Variants in KCNIP4 observed in about 807,000 individuals in gnomAD.
KCNIP4 encodes Kv channel-interacting protein 4.
In KCNIP4, 12 loss-of-function variants were observed where a neutral mutation model predicts 34.0. The observed-to-expected ratio is 0.35, with a 90% CI of 0.23 to 0.57. The LOEUF is 0.57. Ranked by LOEUF, KCNIP4 falls within the 20% of genes least tolerant of loss-of-function variation. KCNIP4 has a pLI of 0.83. For missense variants in KCNIP4, 238 were observed against 311.7 expected (o/e 0.76, Z 1.78); for synonymous variants, 124 against 102.2 (o/e 1.21, Z -1.29).
At chr4:20,761,896 G>A (rs754648641) in intron 3 of KCNIP4, among the ~76,000 whole-genome samples, 19 of 152,084 alleles carry the variant, frequency 1.2e-4, no homozygotes, top group Non-Finnish European at 2.1e-4. Context: ...CATTACATTA[G>A]TTTACATCTC....
At chr4:21,203,615 T>C (rs1756645354) in intron 1 of KCNIP4, among the ~76,000 whole-genome samples, 1 of 152,208 alleles carries the variant, frequency 6.6e-6, no homozygotes, top group South Asian at 2.1e-4. Context: ...GGCAAGGAAT[T>C]GCCCTGTTCT....
chr4:21,746,585 GA>G (rs1160600258), intron 1 of KCNIP4, among the ~76,000 whole-genome samples: 1 of 66,024 alleles, frequency 1.5e-5, no homozygotes, highest in Non-Finnish European at 3.3e-5. Context: ...ATATAATCAA[GA>G]AAAAATAAAA....
At chr4:20,994,872 T>C (rs955286717) in intron 1 of KCNIP4, among the ~76,000 whole-genome samples, 1 of 152,196 alleles carries the variant, frequency 6.6e-6, no homozygotes, top group East Asian at 1.9e-4. Flanking sequence ...CCATAGAGCA[T>C]GACTTTCAAA....
chr4:21,407,929 A>T (rs1724136136), intron 1 of KCNIP4, among the ~76,000 whole-genome samples: 1 of 152,208 alleles, frequency 6.6e-6, no homozygotes, highest in Admixed American at 6.5e-5. Flanking sequence ...TTGCTCATGC[A>T]TTGCAACATT....
At chr4:21,153,513 G>GTATATATA in intron 1 of KCNIP4, among the ~76,000 whole-genome samples, 1 of 61,492 alleles carries the variant, frequency 1.6e-5, no homozygotes, top group Admixed American at 1.9e-4. Context: ...ATATGTGTGT[G>GTATATATA]TGTATATATA....
chr4:21,187,095 C>A (rs973209726), intron 1 of KCNIP4, among the ~76,000 whole-genome samples: 1 of 152,110 alleles, frequency 6.6e-6, no homozygotes, highest in African/African-American at 2.4e-5. Flanking sequence ...TTATTCTCAG[C>A]AATATAGCAA....
At chr4:21,340,977 A>G (rs566536149) in intron 1 of KCNIP4, among the ~76,000 whole-genome samples, 1 of 152,302 alleles carries the variant, frequency 6.6e-6, no homozygotes, top group South Asian at 2.1e-4. Flanking sequence ...AATATAGGGT[A>G]TTTGTGGACA....
In KCNIP4 at chr4:21,357,793, A is replaced by G. The variant is rs555723664; in HGVS notation, c.62-475084T>C. On this transcript the variant is annotated intron_variant, in intron 1 of 8. Coordinates refer to ENST00000382152, the MANE Select transcript of KCNIP4 (RefSeq NM_025221.6). ...TCAAGGATAAAGAACTAGAAATACCATTTGACCCAGCCATCCTATTACTGG... is the reference window on the plus strand; with the variant it reads ...TCAAGGATAAAGAACTAGAAATACCGTTTGACCCAGCCATCCTATTACTGG... 1.1e-3 allele frequency among the ~76,000 whole-genome samples: 166 copies of G among 152,270 alleles called. 1 individual carries two copies. The highest frequency in any genetic ancestry group is 3.9e-3 in the African/African-American group (163 of 41,542).
intron 1 of KCNIP4, among the ~76,000 whole-genome samples, chr4:21,577,866 T>C (rs1035790858): frequency 2.0e-5 from 3 of 152,170 alleles, no homozygotes; most frequent in Admixed American, 1.3e-4. Context: ...TCTGTCATCA[T>C]GTGCTACATC....
intron 1 of KCNIP4, among the ~76,000 whole-genome samples, chr4:21,200,337 T>C (rs190336853): frequency 0.094 from 13,266 of 141,744 alleles, 2,824 homozygotes; most frequent in African/African-American, 0.35. Flanking sequence ...TATATATATA[T>C]ACATACATAT....
rs1046518787 is a variant in KCNIP4 at position 20,729,855 on chromosome 4, G to A, written c.*227C>T. The A allele has an allele frequency of 7.2e-6, 3 of 415,256 alleles. No individual in the cohort carries two copies. In the East Asian group the frequency reaches 1.1e-4, roughly 15 times the overall value. 25.7% of individuals were successfully genotyped at this position (415,256 alleles called of 1,614,324 possible). A position where few individuals can be genotyped will look rare whatever the true frequency, so the allele number is the denominator to read the frequency against. On this transcript the variant is annotated 3_prime_UTR_variant, in exon 9 of 9. Coordinates refer to ENST00000382152, the MANE Select transcript of KCNIP4 (RefSeq NM_025221.6). Reference sequence around the variant, plus strand: ...TTACTTTTGAATATTCACAGAGTATGAAATGAGTTAGACCATCCCCTGAAC... The same window carrying A: ...TTACTTTTGAATATTCACAGAGTATAAAATGAGTTAGACCATCCCCTGAAC...
chr4:21,434,765 TG>T (rs754344317), intron 1 of KCNIP4, among the ~76,000 whole-genome samples: 104 of 106,760 alleles, frequency 9.7e-4, no homozygotes, highest in East Asian at 9.2e-3. Context: ...ACCCTGTCTG[TG>T]GGGGGAAAAA....
chr4:21,019,299 G>A (rs1235823442), intron 1 of KCNIP4, among the ~76,000 whole-genome samples: 2 of 152,024 alleles, frequency 1.3e-5, no homozygotes, highest in East Asian at 3.9e-4. Context: ...GGGATTACAG[G>A]CGCATGCCAC....
At chr4:21,001,035 C>T (rs947141780) in intron 1 of KCNIP4, among the ~76,000 whole-genome samples, 1 of 152,118 alleles carries the variant, frequency 6.6e-6, no homozygotes, top group Non-Finnish European at 1.5e-5. Context: ...AGGCTCTAAA[C>T]ACTATTAGGC....
intron 1 of KCNIP4, among the ~76,000 whole-genome samples, chr4:21,218,504 T>C (rs1443609162): frequency 6.6e-6 from 1 of 152,204 alleles, no homozygotes; most frequent in Non-Finnish European, 1.5e-5. Context: ...ATTCAATGCA[T>C]ACATTTCATA....
chr4:21,294,449 T>G (rs1763722590), intron 1 of KCNIP4, among the ~76,000 whole-genome samples: 1 of 152,174 alleles, frequency 6.6e-6, no homozygotes. Context: ...CCAGTAAACC[T>G]TCCCCATTTT....
At chr4:20,995,714 C>T (rs776075481) in intron 1 of KCNIP4, among the ~76,000 whole-genome samples, 3 of 152,172 alleles carry the variant, frequency 2.0e-5, no homozygotes, top group Non-Finnish European at 4.4e-5. Flanking sequence ...TCGATGCCAT[C>T]GCTCAGTAAT....
chr4:21,197,900 C>T (rs979049725), intron 1 of KCNIP4, among the ~76,000 whole-genome samples: 12 of 152,116 alleles, frequency 7.9e-5, no homozygotes, highest in Non-Finnish European at 1.8e-4. Context: ...GCTTGAGTTT[C>T]AGTAATAAGT....
intron 1 of KCNIP4, among the ~76,000 whole-genome samples, chr4:21,870,931 A>G (rs539976949): frequency 9.3e-4 from 141 of 152,238 alleles, no homozygotes; most frequent in African/African-American, 3.3e-3. Context: ...AATAATAAAT[A>G]ATAGCTAACT....
Sources: gnomAD v4.1 joint callset for allele counts (sites outside exome capture counted in the v4.1 genomes callset) on GRCh38, gnomAD v4.1.1 for gene constraint, MANE v1.5 for transcripts, NCBI Gene and HGNC (gene_info 2026-07-23, HGNC 2026-07-21) for gene names.